GPHN: variants seen among roughly 807,000 people sequenced by gnomAD.
The protein encoded by GPHN is gephyrin.
A neutral mutation model predicts 95.5 loss-of-function variants in GPHN; 17 were observed. The observed-to-expected ratio is 0.18, with a 90% CI of 0.12 to 0.27. GPHN has a LOEUF of 0.27. Ranked by LOEUF, GPHN falls within the 10% of genes least tolerant of loss-of-function variation. The probability of loss-of-function intolerance (pLI) is 1.00; values close to 1 mark genes in which losing one functional copy is unlikely to be tolerated. For synonymous variants in GPHN, 320 were observed against 322.5 expected (o/e 0.99, Z 0.08); for missense variants, 660 against 978.1 (o/e 0.67, Z 4.34).
chr14:67,727,417 C>A, the GPHN span: 1 of 507,100 alleles, frequency 2.0e-6, no homozygotes, highest in Admixed American at 3.2e-5. Flanking sequence ...TGTGTCACAT[C>A]TTATCTCTTA....
At chr14:66,923,066 G>A in intron 7 of GPHN, 128 bp downstream of exon 7, 2 of 783,962 alleles carry the variant, frequency 2.6e-6, no homozygotes, top group Non-Finnish European at 2.2e-6. Context: ...AAATAAGTGG[G>A]ATGTCCATGA....
rs141184839 is a variant in GPHN, at chr14:67,075,457, A to G, written c.1145-13526A>G. Reference sequence around the variant, plus strand: ...ACAACATCCCCTCTGTAGTCCATAGATCAAGGAGTAATTTCAATATTCAAG... The same window carrying G: ...ACAACATCCCCTCTGTAGTCCATAGGTCAAGGAGTAATTTCAATATTCAAG... On this transcript the variant is annotated intron_variant, in intron 11 of 22. Coordinates refer to ENST00000478722, the MANE Select transcript of GPHN (RefSeq NM_020806.5). 1.3e-4 allele frequency among the ~76,000 whole-genome samples: 20 copies of G among 152,328 alleles called. No homozygotes were observed. The East Asian group carries it at 1.5e-3, about 12-fold the overall frequency.
At chr14:67,122,203 A>G (rs1208645923) in intron 16 of GPHN, 53 bp from the exon 17 acceptor site, 3 of 1,590,924 alleles carry the variant, frequency 1.9e-6, no homozygotes, top group South Asian at 1.1e-5. Context: ...TTCATTAGAA[A>G]TATGCAACAT....
At chr14:67,017,692 C>A (rs1469807450) in intron 9 of GPHN, among the ~76,000 whole-genome samples, 1 of 151,934 alleles carries the variant, frequency 6.6e-6, no homozygotes, top group Non-Finnish European at 1.5e-5. Flanking sequence ...GTATAGAAAA[C>A]TTTTATTGGA....
At chr14:67,636,652 T>C in the GPHN span, among the ~76,000 whole-genome samples, 1 of 152,248 alleles carries the variant, frequency 6.6e-6, no homozygotes, top group Non-Finnish European at 1.5e-5. Context: ...TGTTCCACTC[T>C]GATAGAGCCT....
At chr14:67,157,603 C>G (rs1254622344) in intron 18 of GPHN, among the ~76,000 whole-genome samples, 1 of 152,096 alleles carries the variant, frequency 6.6e-6, no homozygotes, top group African/African-American at 2.4e-5. Flanking sequence ...GTGGGTGGAT[C>G]GCTTGAGGCC....
At chr14:67,690,739 T>C in the GPHN span, 4 of 392,960 alleles carry the variant, frequency 1.0e-5, no homozygotes, top group South Asian at 7.9e-5. Context: ...ATCTCAGCAC[T>C]TAAAGAGGCT....
At chr14:66,715,350 T>C (rs1467977346) in intron 2 of GPHN, among the ~76,000 whole-genome samples, 3 of 152,150 alleles carry the variant, frequency 2.0e-5, no homozygotes, top group Non-Finnish European at 4.4e-5. Flanking sequence ...TTATTAAGCT[T>C]ATTTGGATTT....
intron 10 of GPHN, among the ~76,000 whole-genome samples, chr14:67,024,126 G>A (rs1467966774): frequency 1.3e-5 from 2 of 152,114 alleles, no homozygotes; most frequent in African/African-American, 2.4e-5. Flanking sequence ...GGCAGCATGT[G>A]TTAGAACATA....
the GPHN span, among the ~76,000 whole-genome samples, chr14:67,604,945 C>T: frequency 6.6e-6 from 1 of 152,112 alleles, no homozygotes. Flanking sequence ...TCCACACTCT[C>T]TATTATGTTC....
chr14:67,221,706 T>C, the GPHN span: 33 of 1,580,664 alleles, frequency 2.1e-5, no homozygotes, highest in Non-Finnish European at 2.8e-5. Context: ...GGTTATTTTA[T>C]ATCTAGTAGA....
the GPHN span, chr14:67,727,032 C>T: frequency 2.5e-6 from 4 of 1,613,668 alleles, no homozygotes; most frequent in African/African-American, 5.3e-5. Context: ...GTGTCTGCCC[C>T]TGCACGGGTG....
chr14:66,851,453 C>A (rs2062582334), intron 4 of GPHN, among the ~76,000 whole-genome samples: 1 of 151,862 alleles, frequency 6.6e-6, no homozygotes, highest in Admixed American at 6.6e-5. Context: ...AATATGTAAT[C>A]TTTTGTGTCT....
At chr14:67,192,616 C>T in the GPHN span, among the ~76,000 whole-genome samples, 2 of 151,678 alleles carry the variant, frequency 1.3e-5, no homozygotes, top group African/African-American at 4.8e-5. Flanking sequence ...ATTTCTTAAG[C>T]ATCAGTTTAA....
At chr14:67,377,279 C>T in the GPHN span, among the ~76,000 whole-genome samples, 3 of 152,178 alleles carry the variant, frequency 2.0e-5, no homozygotes, top group African/African-American at 7.2e-5. Flanking sequence ...TACTTGTAGA[C>T]TGCTGGGTGC....
chr14:66,593,472 A>G (rs1031835681), intron 1 of GPHN, among the ~76,000 whole-genome samples: 6 of 152,112 alleles, frequency 3.9e-5, no homozygotes, highest in African/African-American at 1.4e-4. Context: ...ATGTAATGGA[A>G]GCAAAGGGGG....
the GPHN span, among the ~76,000 whole-genome samples, chr14:67,444,598 T>A: frequency 6.6e-6 from 1 of 152,214 alleles, no homozygotes; most frequent in African/African-American, 2.4e-5. Flanking sequence ...CTTACACACC[T>A]GAGTTTATGC....
intron 9 of GPHN, among the ~76,000 whole-genome samples, chr14:67,003,667 T>C (rs1351335567): frequency 6.6e-6 from 1 of 151,672 alleles, no homozygotes; most frequent in African/African-American, 2.4e-5. Flanking sequence ...GAATTGAATG[T>C]TTATATTAAA....
chr14:67,207,533 C>CA, the GPHN span, among the ~76,000 whole-genome samples: 1 of 151,620 alleles, frequency 6.6e-6, no homozygotes, highest in Non-Finnish European at 1.5e-5. Flanking sequence ...TTTCAAGTGA[C>CA]AAAACATCCA....
Sources: allele counts gnomAD v4.1 joint callset (sites outside exome capture counted in the v4.1 genomes callset), GRCh38; gene constraint gnomAD v4.1.1; transcripts MANE v1.5; gene names NCBI Gene and HGNC (gene_info 2026-07-23, HGNC 2026-07-21).